The following ADGRV1 variants were observed in gnomAD, a reference collection of about 807,000 sequenced individuals.
ADGRV1 encodes adhesion G protein-coupled receptor V1.
In ADGRV1, 359 loss-of-function variants were observed where a neutral mutation model predicts 596.2. The observed-to-expected ratio is 0.60, with a 90% CI of 0.55 to 0.66. The LOEUF is 0.66. ADGRV1 is among the 30% of genes least tolerant of loss of function. The pLI, the probability that ADGRV1 is intolerant of heterozygous loss-of-function variation, is 0.00. For missense variants in ADGRV1, 7,274 were observed against 7,575.6 expected, an observed-to-expected ratio of 0.96 and a Z score of 1.48; for synonymous variants, 2,681 against 2,679.2, an observed-to-expected ratio of 1.00 and a Z score of -0.02.
At chr5:90,595,629 C>T (rs1412722649) in intron 1 of ADGRV1, among the ~76,000 whole-genome samples, 2 of 134,720 alleles carry the variant, frequency 1.5e-5, no homozygotes, top group African/African-American at 3.0e-5. Flanking sequence ...CCCCCACCTC[C>T]CTCCCGGACG....
Position 90,750,701 on chromosome 5 carries a change from T to C in ADGRV1, c.11121+4T>C. On this transcript the variant is annotated splice_donor_region_variant and intron_variant, in intron 53 of 89. Coordinates refer to ENST00000405460, the MANE Select transcript of ADGRV1 (RefSeq NM_032119.4). ...TATATTTCCTACCTCAGGAGTGGTA[T>C]GTAATTTACAAAGTTATAGGAAACA... is the stretch of plus-strand genomic sequence containing the variant. The C allele has an allele frequency of 1.9e-6, 3 of 1,609,106 alleles. No individual in the cohort carries two copies. The highest frequency in any genetic ancestry group is 2.6e-6 in the Non-Finnish European group (3 of 1,176,158).
intron 89 of ADGRV1, among the ~76,000 whole-genome samples, chr5:91,162,020 T>C (rs1425199823): frequency 6.6e-6 from 1 of 152,116 alleles, no homozygotes; most frequent in African/African-American, 2.4e-5. Flanking sequence ...AAGACTGATA[T>C]GAAAGCCAAA....
rs752194388 is a variant in ADGRV1 at position 90,811,271 on chromosome 5, G to C, written c.16011G>C (p.Gly5337=). ...ACGTGTTTCTCACAAACCCTCAAGG[G>C]GGAGCACAGATTGTGGAGGAGAAGG... ...FFYVFLTNPQ[G]GAQIVEEKDD... Residue 5337 remains glycine, a synonymous_variant, in exon 74 of 90, where the codon GGG becomes GGC. Coordinates refer to ENST00000405460, the MANE Select transcript of ADGRV1 (RefSeq NM_032119.4). 1.2e-6 allele frequency: 2 copies of C among 1,612,820 alleles called. No homozygotes were observed. The highest frequency in any genetic ancestry group is 3.3e-5 in the Admixed American group (2 of 59,794).
At chr5:90,860,212 C>A (rs1561860564) in intron 82 of ADGRV1, among the ~76,000 whole-genome samples, 1 of 152,162 alleles carries the variant, frequency 6.6e-6, no homozygotes, top group Non-Finnish European at 1.5e-5. Context: ...AGTCTCCTGG[C>A]AACCTCACCA....
chr5:91,005,671 G>A (rs1782208585), intron 85 of ADGRV1, among the ~76,000 whole-genome samples: 1 of 152,240 alleles, frequency 6.6e-6, no homozygotes, highest in South Asian at 2.1e-4. Flanking sequence ...ATCTTTGGCA[G>A]CACTCTCTCA....
At chr5:91,068,518 C>CT (rs945923659) in intron 85 of ADGRV1, among the ~76,000 whole-genome samples, 94 of 151,174 alleles carry the variant, frequency 6.2e-4, no homozygotes, top group African/African-American at 2.0e-3. Context: ...TAATATATTT[C>CT]TTTTTAATAT....
chr5:90,716,808 A>G lies in ADGRV1; in HGVS notation c.9447+79A>G, dbSNP rs1399756565. On this transcript the variant is annotated intron_variant, in intron 43 of 89. Transcript: ENST00000405460. ...TAAATTTCTCTTAGATGAGCACTCA[A>G]GTCCTAGAATGAAAAAACAATACTT... 21 of 1,038,238 alleles carry G rather than the reference A, an allele frequency of 2.0e-5. No homozygotes were observed. The East Asian group carries it at 5.0e-4, about 25-fold the overall frequency. The allele number at this position is 1,038,238 out of a possible 1,614,324, so 64.3% of individuals were successfully genotyped here. A position where few individuals can be genotyped will look rare whatever the true frequency, so the allele number is the denominator to read the frequency against.
chr5:90,636,934 T>C (rs185996248), intron 10 of ADGRV1, among the ~76,000 whole-genome samples: 3 of 152,316 alleles, frequency 2.0e-5, no homozygotes, highest in Non-Finnish European at 4.4e-5. Flanking sequence ...TTCATCATGA[T>C]ATGCAGCGAT....
chr5:90,669,028 A>G (rs1467838357), intron 21 of ADGRV1, among the ~76,000 whole-genome samples: 3 of 152,180 alleles, frequency 2.0e-5, no homozygotes, highest in Non-Finnish European at 4.4e-5. Context: ...TGAAAAGGGA[A>G]AAGATTTTAT....
At chr5:90,728,007 TACC>T (rs1411102848) in intron 48 of ADGRV1, among the ~76,000 whole-genome samples, 2 of 152,244 alleles carry the variant, frequency 1.3e-5, no homozygotes, top group Non-Finnish European at 2.9e-5. Flanking sequence ...GTTTCTTGTT[TACC>T]TTTTCCTAAT....
Position 90,597,550 on chromosome 5 carries a change from G to T in ADGRV1, c.23-17285G>T, listed in dbSNP as rs1051352802. Among the ~76,000 whole-genome samples the T allele has an allele frequency of 3.9e-5, 6 of 152,304 alleles. No individual in the cohort carries two copies. The East Asian group carries it at 9.6e-4, about 24-fold the overall frequency. ...TGAAAGGATAAGAGTTGCACTGGGA[G>T]ACTTTTACAGGGACCAGGCAAAGCT... On this transcript the variant is annotated intron_variant, in intron 1 of 89. Transcript: ENST00000405460.
At chr5:91,124,577 T>G (rs1437778777) in intron 87 of ADGRV1, among the ~76,000 whole-genome samples, 1 of 152,164 alleles carries the variant, frequency 6.6e-6, no homozygotes. Context: ...AGTATTGACT[T>G]TAGCATGACT....
chr5:90,618,376 C>A (rs1763634184), intron 3 of ADGRV1, among the ~76,000 whole-genome samples: 1 of 152,116 alleles, frequency 6.6e-6, no homozygotes, highest in South Asian at 2.1e-4. Context: ...GGAGAAAAAC[C>A]TGAATAGCCT....
chr5:91,071,069 C>T (rs939538344), intron 85 of ADGRV1, among the ~76,000 whole-genome samples: 20 of 152,070 alleles, frequency 1.3e-4, no homozygotes, highest in African/African-American at 4.6e-4. Context: ...CCTTTATTTC[C>T]TCTGTTAGGA....
chr5:90,639,142 AAT>A (rs1199284034), intron 11 of ADGRV1, among the ~76,000 whole-genome samples: 1 of 151,902 alleles, frequency 6.6e-6, no homozygotes, highest in Non-Finnish European at 1.5e-5. Flanking sequence ...TTATGGTTTT[AAT>A]ATATGTTTCA....
intron 82 of ADGRV1, among the ~76,000 whole-genome samples, chr5:90,862,495 T>G (rs1406364005): frequency 6.6e-6 from 1 of 152,150 alleles, no homozygotes; most frequent in East Asian, 1.9e-4. Context: ...TTACTTGAGT[T>G]CTGAGCATCA....
intron 59 of ADGRV1, among the ~76,000 whole-genome samples, chr5:90,765,416 G>A (rs1368392731): frequency 6.9e-6 from 1 of 145,560 alleles, no homozygotes; most frequent in Non-Finnish European, 1.5e-5. Flanking sequence ...ATGATGGGGG[G>A]AAAAATCACA....
At chr5:90,908,070 C>A (rs547619088) in intron 83 of ADGRV1, among the ~76,000 whole-genome samples, 1 of 152,068 alleles carries the variant, frequency 6.6e-6, no homozygotes. Flanking sequence ...TGGCTGGTCT[C>A]GAACTCCCGA....
intron 75 of ADGRV1, among the ~76,000 whole-genome samples, chr5:90,819,793 A>T (rs1277878631): frequency 6.6e-6 from 1 of 151,888 alleles, no homozygotes; most frequent in Non-Finnish European, 1.5e-5. Flanking sequence ...GTTTGTTATA[A>T]TCTCTGTTCT....
Sources: gnomAD v4.1 joint callset for allele counts (sites outside exome capture counted in the v4.1 genomes callset) on GRCh38, gnomAD v4.1.1 for gene constraint, MANE v1.5 for transcripts, NCBI Gene and HGNC (gene_info 2026-07-23, HGNC 2026-07-21) for gene names.